Variants in ITGA4 observed in about 807,000 individuals in gnomAD.
ITGA4 encodes integrin alpha-4.
In ITGA4, 63 loss-of-function variants were observed where a neutral mutation model predicts 133.6. The ratio of observed to expected loss-of-function variants is 0.47; its 90% CI spans 0.38 to 0.58. ITGA4 has a LOEUF of 0.58. Ranked by LOEUF, ITGA4 falls within the 20% of genes least tolerant of loss-of-function variation. The pLI is 0.00. For synonymous variants in ITGA4, 483 were observed against 438.0 expected (o/e 1.10, Z -1.28); for missense variants, 1,076 against 1,252.7 (o/e 0.86, Z 2.13).
chr2:181,506,449 G>A (rs1686393643), intron 15 of ITGA4, among the ~76,000 whole-genome samples: 1 of 151,998 alleles, frequency 6.6e-6, no homozygotes, highest in Non-Finnish European at 1.5e-5. Context: ...TAAGAAACTT[G>A]TCCAATGTTA....
intron 25 of ITGA4, 113 bp downstream of exon 25, chr2:181,531,889 A>C: frequency 1.4e-6 from 1 of 703,098 alleles, no homozygotes; most frequent in Non-Finnish European, 2.2e-6. Flanking sequence ...ATTTTAAATA[A>C]AATTTTGGAG....
intron 15 of ITGA4, among the ~76,000 whole-genome samples, chr2:181,499,459 G>A (rs549050101): frequency 6.6e-6 from 1 of 152,044 alleles, no homozygotes; most frequent in Non-Finnish European, 1.5e-5. Flanking sequence ...TTTCATTAGG[G>A]AACGGTGTAC....
At chr2:181,470,943 G>C (rs1024636309) in intron 2 of ITGA4, among the ~76,000 whole-genome samples, 1 of 152,096 alleles carries the variant, frequency 6.6e-6, no homozygotes, top group African/African-American at 2.4e-5. Context: ...GGAAATTACA[G>C]GATGTTCTCT....
At chr2:181,518,359 C>T (rs901550374) in intron 17 of ITGA4, among the ~76,000 whole-genome samples, 69 of 152,174 alleles carry the variant, frequency 4.5e-4, no homozygotes, top group African/African-American at 1.5e-3. Context: ...TCTTTCCTTT[C>T]TTCTCCATGT....
intron 20 of ITGA4, 21 bp from the exon 21 acceptor site, chr2:181,525,179 CAG>C (rs774162855): frequency 2.9e-6 from 4 of 1,358,842 alleles, no homozygotes; most frequent in Non-Finnish European, 4.2e-6. Flanking sequence ...TGAATTCTAA[CAG>C]GGTGTTTTCT....
intron 21 of ITGA4, among the ~76,000 whole-genome samples, 163 bp from the exon 22 acceptor site, chr2:181,527,134 C>G (rs1243517099): frequency 2.0e-5 from 3 of 152,010 alleles, no homozygotes; most frequent in African/African-American, 7.2e-5. Context: ...CTGCTCCCGG[C>G]CCTAATTTAA....
At chr2:181,491,067 A>C (rs1216116759) in intron 10 of ITGA4, among the ~76,000 whole-genome samples, 1 of 152,234 alleles carries the variant, frequency 6.6e-6, no homozygotes, top group African/African-American at 2.4e-5. Flanking sequence ...TCCAAGCGTA[A>C]TCCAGGAAGA....
At chr2:181,499,527 G>A (rs1686224937) in intron 15 of ITGA4, among the ~76,000 whole-genome samples, 1 of 152,046 alleles carries the variant, frequency 6.6e-6, no homozygotes, top group Admixed American at 6.5e-5. Context: ...CCCTTTCTGG[G>A]ATTTCAAATA....
At chr2:181,475,980 C>G (rs1357050249) in intron 4 of ITGA4, 28 of 1,250,362 alleles carry the variant, frequency 2.2e-5, no homozygotes, top group Non-Finnish European at 2.6e-5. Context: ...ATTTTCTAAC[C>G]ACCCTCACTC....
At position 181,537,061 on chromosome 2, in the gene ITGA4, C is replaced by CA. The variant is rs781140174; in HGVS notation, c.*1538dup. 2.5e-5 allele frequency: 11 copies of CA among 444,312 alleles called. No individual in the cohort carries two copies. The highest frequency in any genetic ancestry group is 4.1e-5 in the Non-Finnish European group (9 of 221,680). 27.5% of individuals were successfully genotyped at this position (444,312 alleles called of 1,614,324 possible). A position where few individuals can be genotyped will look rare whatever the true frequency, so the allele number is the denominator to read the frequency against. On this transcript the variant is annotated 3_prime_UTR_variant, in exon 28 of 28. Coordinates refer to ENST00000397033, the MANE Select transcript of ITGA4 (RefSeq NM_000885.6). ...GCATTTGAGTAGTGAAATGTAAGCA[C>CA]AAAACCTCCTGAACCCAGAGTGTGT...
At chr2:181,463,698 A>G (rs1373011707) in intron 2 of ITGA4, among the ~76,000 whole-genome samples, 1 of 152,098 alleles carries the variant, frequency 6.6e-6, no homozygotes, top group Admixed American at 6.6e-5. Flanking sequence ...TGTGAGACAT[A>G]GAAGTAAAAA....
intron 17 of ITGA4, among the ~76,000 whole-genome samples, chr2:181,515,958 A>G (rs942529824): frequency 6.6e-6 from 1 of 152,058 alleles, no homozygotes; most frequent in East Asian, 1.9e-4. Flanking sequence ...GAAGACTGCA[A>G]TAATAAACTG....
Position 181,475,300 on chromosome 2 carries a change from T to G in ITGA4, c.556+12T>G. 1 of 1,600,688 alleles carries G rather than the reference T, an allele frequency of 6.2e-7. No individual in the cohort carries two copies. Among genetic ancestry groups the G allele is most frequent in the South Asian group, 1.1e-5 (1 of 89,472 alleles). ...TCCGTGTTATCAAGGTAAGGCATGA[T>G]TTTGATACGAATTAGATAAAGATAA... On this transcript the variant is annotated intron_variant, in intron 4 of 27. Coordinates refer to ENST00000397033, the MANE Select transcript of ITGA4 (RefSeq NM_000885.6).
intron 2 of ITGA4, chr2:181,458,966 A>T (rs1271929278): frequency 6.6e-6 from 1 of 152,424 alleles, no homozygotes; most frequent in Non-Finnish European, 1.5e-5. Flanking sequence ...AAAAATGTGT[A>T]CTGATAGAGG....
At chr2:181,528,276 G>T (rs1390710788) in intron 22 of ITGA4, among the ~76,000 whole-genome samples, 1 of 152,140 alleles carries the variant, frequency 6.6e-6, no homozygotes, top group Non-Finnish European at 1.5e-5. Flanking sequence ...TACACTAGTT[G>T]ATACTAATGT....
chr2:181,520,705 G>A (rs1004597214), intron 17 of ITGA4, among the ~76,000 whole-genome samples: 2 of 152,084 alleles, frequency 1.3e-5, no homozygotes, highest in African/African-American at 4.8e-5. Context: ...GTTTCCCAGA[G>A]CCCTCTATTC....
At chr2:181,486,621 CTG>C (rs1181048369) in intron 10 of ITGA4, among the ~76,000 whole-genome samples, 4 of 152,316 alleles carry the variant, frequency 2.6e-5, no homozygotes, top group South Asian at 2.1e-4. Context: ...AGTGTGGTAA[CTG>C]TGCATATTGC....
Position 181,482,440 on chromosome 2 carries a change from T to G in ITGA4, c.903+18T>G. The G allele has an allele frequency of 6.2e-7, 1 of 1,613,408 alleles. No homozygotes were observed. The highest frequency in any genetic ancestry group is 8.5e-7 in the Non-Finnish European group (1 of 1,179,566). On this transcript the variant is annotated intron_variant, in intron 8 of 27. Transcript: ENST00000397033. ...GTAAAAAGGTAATATGTCTCTACCT[T>G]TAGTATCTCTGTGGGCTTTTGCGAG...
chr2:181,534,961 T>C (rs1687027767), intron 27 of ITGA4, 26 bp downstream of exon 27: 1 of 1,531,678 alleles, frequency 6.5e-7, no homozygotes, highest in Non-Finnish European at 8.7e-7. Flanking sequence ...TTACCAACAT[T>C]AGTCTACTAA....
Sources: allele counts gnomAD v4.1 joint callset (sites outside exome capture counted in the v4.1 genomes callset), GRCh38; gene constraint gnomAD v4.1.1; transcripts MANE v1.5; gene names NCBI Gene and HGNC (gene_info 2026-07-23, HGNC 2026-07-21).